Variants in BCAR3 observed in about 807,000 individuals in gnomAD.
BCAR3 encodes BCAR3 adaptor protein, NSP family member, also known as breast cancer anti-estrogen resistance protein 3.
Under a neutral mutation model 80.1 loss-of-function variants are expected in BCAR3, and 37 were observed. The observed-to-expected ratio is 0.46, with a 90% CI of 0.36 to 0.61. The LOEUF (loss-of-function observed/expected upper bound fraction) is 0.61, where lower values mean the gene tolerates loss of function less well. BCAR3 is among the 20% of genes least tolerant of loss of function. BCAR3 has a pLI of 0.00. For missense variants in BCAR3, 978 were observed against 1,068.2 expected, an observed-to-expected ratio of 0.92 and a Z score of 1.18; for synonymous variants, 389 against 418.9, an observed-to-expected ratio of 0.93 and a Z score of 0.87.
intron 2 of BCAR3, among the ~76,000 whole-genome samples, chr1:93,813,697 T>C (rs1264496007): frequency 6.6e-6 from 1 of 152,236 alleles, no homozygotes; most frequent in Non-Finnish European, 1.5e-5. Context: ...CATTCTGTTA[T>C]GTAAACATAT....
intron 1 of BCAR3, 90 bp from the exon 2 acceptor site, chr1:93,675,031 C>T: frequency 1.9e-6 from 2 of 1,081,014 alleles, no homozygotes; most frequent in Non-Finnish European, 2.6e-6. Flanking sequence ...AAATATGCCA[C>T]ATAAAATGAA....
intron 2 of BCAR3, among the ~76,000 whole-genome samples, chr1:93,742,988 G>C (rs1651232383): frequency 6.6e-6 from 1 of 152,070 alleles, no homozygotes; most frequent in Admixed American, 6.5e-5. Flanking sequence ...AACTCCATAA[G>C]CCTTTTTTCA....
chr1:93,722,832 G>T (rs1032102803), intron 2 of BCAR3, among the ~76,000 whole-genome samples: 1 of 152,278 alleles, frequency 6.6e-6, no homozygotes, highest in East Asian at 1.9e-4. Flanking sequence ...AGGAGCCAAG[G>T]GGGAGGGGAG....
At chr1:93,832,923 C>G (rs1654622997) in intron 2 of BCAR3, among the ~76,000 whole-genome samples, 1 of 152,112 alleles carries the variant, frequency 6.6e-6, no homozygotes, top group Admixed American at 6.5e-5. Context: ...ATGTCCTCTC[C>G]TTGTATCTCC....
chr1:93,574,395 T>C (rs189825603), intron 8 of BCAR3, among the ~76,000 whole-genome samples: 15 of 152,154 alleles, frequency 9.9e-5, no homozygotes, highest in African/African-American at 3.6e-4. Flanking sequence ...CTTTATTTAA[T>C]AAACACATTG....
chr1:93,613,124 C>G (rs553296868), intron 3 of BCAR3, among the ~76,000 whole-genome samples: 2 of 152,308 alleles, frequency 1.3e-5, no homozygotes, highest in East Asian at 3.9e-4. Flanking sequence ...ACGAGGTCCG[C>G]AGTCAGGCTG....
At chr1:93,846,292 G>T (rs1030568151) in intron 1 of BCAR3, among the ~76,000 whole-genome samples, 3 of 152,214 alleles carry the variant, frequency 2.0e-5, no homozygotes. Flanking sequence ...GGTGGGCCGC[G>T]GCTGGCGGGT....
intron 3 of BCAR3, among the ~76,000 whole-genome samples, chr1:93,597,342 A>G (rs910231853): frequency 4.6e-5 from 7 of 152,230 alleles, no homozygotes; most frequent in Non-Finnish European, 1.0e-4. Context: ...GGATAGTTAG[A>G]AAATTAATAA....
chr1:93,785,159 A>G (rs1652896203), intron 2 of BCAR3, among the ~76,000 whole-genome samples: 3 of 152,202 alleles, frequency 2.0e-5, no homozygotes, highest in Admixed American at 6.5e-5. Flanking sequence ...CAAATGAGAG[A>G]GAGGATTAAA....
intron 2 of BCAR3, among the ~76,000 whole-genome samples, chr1:93,799,319 T>C (rs1161977949): frequency 6.6e-6 from 1 of 152,062 alleles, no homozygotes; most frequent in Admixed American, 6.5e-5. Context: ...CCTTGTAAGA[T>C]TTTCCTTTAT....
chr1:93,666,431 C>T (rs900857501), intron 2 of BCAR3, among the ~76,000 whole-genome samples: 5 of 152,096 alleles, frequency 3.3e-5, no homozygotes, highest in Non-Finnish European at 7.4e-5. Flanking sequence ...GCCTTCTCTC[C>T]ACCAGTCTAA....
intron 2 of BCAR3, among the ~76,000 whole-genome samples, chr1:93,756,493 C>A (rs769116685): frequency 1.3e-5 from 2 of 152,322 alleles, no homozygotes; most frequent in African/African-American, 2.4e-5. Flanking sequence ...TTATGTTATA[C>A]AAGTTCTTGT....
At position 93,750,278 on chromosome 1, in the gene BCAR3, T is replaced by C. The variant is rs113543617; in HGVS notation, c.-62-44136A>G. ...TTCAGGCACCAGCGAGGGCATCTTGTATAAACTCTTCATCTTGTAGCTCAG... is the reference window on the plus strand; with the variant it reads ...TTCAGGCACCAGCGAGGGCATCTTGCATAAACTCTTCATCTTGTAGCTCAG... On this transcript the variant is annotated intron_variant, in intron 2 of 13. Coordinates refer to the BCAR3 transcript ENST00000370244. Among the ~76,000 whole-genome samples the C allele has an allele frequency of 9.1e-4, 138 of 152,288 alleles. 3 individuals carry two copies. The highest frequency in any genetic ancestry group is 3.2e-3 in the African/African-American group (133 of 41,560).
rs1217184422 is a variant in BCAR3, at chr1:93,582,312, T to G, written c.1675A>C (p.Met559Leu). The change falls in exon 7 of 12, where the codon ATG (methionine) becomes CTG (leucine). Residue 559 changes from methionine (M) to leucine (L), a missense_variant. Met to Leu is a conservative substitution (Grantham distance 15, BLOSUM62 2). Transcript: ENST00000260502. The part of the protein sequence containing the change: ...PKVIAQHVLS[M>L]DCRVARILGV... ...CCCCCAGCGCTTACCCTGCAGTCCATGCTCAGTACGTGCTGGGCGATGACC... is the reference window on the plus strand; with the variant it reads ...CCCCCAGCGCTTACCCTGCAGTCCAGGCTCAGTACGTGCTGGGCGATGACC... 1.2e-6 allele frequency: 2 copies of G among 1,613,680 alleles called. No homozygotes were observed. Among genetic ancestry groups the G allele is most frequent in the African/African-American group, 1.3e-5 (1 of 74,934 alleles).
At chr1:93,712,537 G>A (rs1228341079) in intron 2 of BCAR3, among the ~76,000 whole-genome samples, 1 of 152,154 alleles carries the variant, frequency 6.6e-6, no homozygotes, top group Non-Finnish European at 1.5e-5. Flanking sequence ...TCACTGTCTA[G>A]GTCCATGTAA....
intron 2 of BCAR3, among the ~76,000 whole-genome samples, chr1:93,760,377 G>A (rs1477541667): frequency 6.6e-6 from 1 of 152,104 alleles, no homozygotes; most frequent in Non-Finnish European, 1.5e-5. Context: ...CTGACTTCGG[G>A]TGAGACTCAA....
At chr1:93,781,705 C>A (rs566282653) in intron 2 of BCAR3, among the ~76,000 whole-genome samples, 1 of 152,178 alleles carries the variant, frequency 6.6e-6, no homozygotes, top group South Asian at 2.1e-4. Context: ...GCTGGCTCTG[C>A]ATCATAGGCA....
At chr1:93,846,805 G>C in intron 1 of BCAR3, 1 of 463,114 alleles carries the variant, frequency 2.2e-6, no homozygotes, top group South Asian at 1.6e-5. Flanking sequence ...GCGGCAAGAC[G>C]AGCTCTCGGA....
At chr1:93,656,620 T>C (rs1374981833) in intron 2 of BCAR3, among the ~76,000 whole-genome samples, 3 of 151,826 alleles carry the variant, frequency 2.0e-5, no homozygotes, top group Non-Finnish European at 2.9e-5. Context: ...CTTTTTTTTT[T>C]TTTTTGAGAC....
Sources: gnomAD v4.1 joint callset for allele counts (sites outside exome capture counted in the v4.1 genomes callset) on GRCh38, gnomAD v4.1.1 for gene constraint, MANE v1.5 for transcripts, NCBI Gene and HGNC (gene_info 2026-07-23, HGNC 2026-07-21) for gene names.